Variants in TAB1 observed in about 807,000 individuals in gnomAD.
TAB1 encodes TGF-beta-activated kinase 1 and MAP3K7-binding protein 1.
Under a neutral mutation model 54.5 loss-of-function variants are expected in TAB1, and 30 were observed. That is an observed-to-expected ratio of 0.55 (90% confidence interval 0.41 to 0.75). The LOEUF (loss-of-function observed/expected upper bound fraction) is 0.75. Among genes scored for constraint, TAB1 ranks in the 30% least tolerant of loss-of-function variants. The pLI is 0.00. For missense variants in TAB1, 609 were observed against 683.2 expected (o/e 0.89, Z 1.21); for synonymous variants, 289 against 286.9 (o/e 1.01, Z -0.07).
At chr22:39,426,957 G>C in intron 9 of TAB1, 32 bp downstream of exon 9, 1 of 1,594,002 alleles carries the variant, frequency 6.3e-7, no homozygotes, top group Non-Finnish European at 8.5e-7. Flanking sequence ...GCAGTGCCTG[G>C]GGATGCCATC....
intron 8 of TAB1, among the ~76,000 whole-genome samples, chr22:39,423,345 T>C (rs2105894): frequency 1 from 152,355 of 152,356 alleles, 76,177 homozygotes; most frequent in Non-Finnish European, 1. Flanking sequence ...TGGCTCATGC[T>C]TGTAATCCCA....
At chr22:39,408,882 C>T (rs893065737) in intron 1 of TAB1, among the ~76,000 whole-genome samples, 1 of 152,144 alleles carries the variant, frequency 6.6e-6, no homozygotes, top group Non-Finnish European at 1.5e-5. Context: ...GGCTGGGAAA[C>T]TATGGATTTT....
rs781069117 is a variant in TAB1, at chr22:39,421,869, TG to T, written c.823del (p.Ala275HisfsTer7). ...KPIIAEPEIH[G>X]AQPLDGVTGF... ...CAATCATCGCAGAGCCAGAAATCCATGGGGCACAGCCGCTGGATGGGGTGAC... is the reference window on the plus strand; with the variant it reads ...CAATCATCGCAGAGCCAGAAATCCATGGGCACAGCCGCTGGATGGGGTGAC... On this transcript the variant is annotated frameshift_variant, in exon 8 of 11. Transcript: ENST00000216160. LOFTEE classifies it high-confidence loss of function. 1.4e-5 allele frequency: 22 copies of T among 1,613,850 alleles called. No individual in the cohort carries two copies. The highest frequency in any genetic ancestry group is 1.6e-5 in the Non-Finnish European group (19 of 1,179,962).
chr22:39,433,770 A>C, downstream of TAB1: 8 of 985,434 alleles, frequency 8.1e-6, no homozygotes, highest in Non-Finnish European at 9.6e-6. Context: ...GGCTGCTCAG[A>C]CATCAAAGGG....
chr22:39,417,242 C>T lies in TAB1; in HGVS notation c.411+365C>T, dbSNP rs1926872048. Among the ~76,000 whole-genome samples the T allele has an allele frequency of 3.3e-5, 5 of 152,112 alleles. No homozygotes were observed. The South Asian group carries it at 1.0e-3, about 31-fold the overall frequency. On this transcript the variant is annotated intron_variant, in intron 4 of 10. Transcript: ENST00000216160. The stretch of plus-strand genomic sequence containing the variant: ...TCCAGCTTTCTGGAAGAACCTTAGC[C>T]TGGAGCTGTAGCGAAGGCTTCATCT...
chr22:39,424,391 A>G (rs1927227675), intron 8 of TAB1, among the ~76,000 whole-genome samples: 1 of 151,930 alleles, frequency 6.6e-6, no homozygotes, highest in East Asian at 1.9e-4. Context: ...TCTACTTCGA[A>G]AAAGTCTCAA....
chr22:39,415,290 C>T lies in TAB1; in HGVS notation c.170+148C>T. 3 of 1,159,464 alleles carry T rather than the reference C, an allele frequency of 2.6e-6. No individual in the cohort carries two copies. Among genetic ancestry groups the T allele is most frequent in the Non-Finnish European group, 3.6e-6 (3 of 831,090 alleles). The allele number at this position is 1,159,464 out of a possible 1,614,324, so 71.8% of individuals were successfully genotyped here. On this transcript the variant is annotated intron_variant, in intron 2 of 10. Coordinates refer to ENST00000216160, the MANE Select transcript of TAB1 (RefSeq NM_006116.3). The surrounding 1 kb of genome is among the most constrained non-coding windows in gnomAD (Gnocchi z 4.9). ...GCCTCTGCTGCTGTCTTGCCAAGGG[C>T]CTGCTCTGATGGGGTAGCGTGAGCA...
chr22:39,410,365 C>T (rs1404896748), intron 1 of TAB1, among the ~76,000 whole-genome samples: 1 of 152,234 alleles, frequency 6.6e-6, no homozygotes, highest in Non-Finnish European at 1.5e-5. Flanking sequence ...GCCTCAGCCT[C>T]CCCAAGTGCT....
intron 1 of TAB1, among the ~76,000 whole-genome samples, chr22:39,405,432 T>C (rs2047131906): frequency 1.3e-5 from 2 of 152,220 alleles, no homozygotes; most frequent in Admixed American, 1.3e-4. Context: ...ATGGAAGAGT[T>C]AAGTCCTGCG....
chr22:39,430,291 A>G lies in TAB1; in HGVS notation c.*69A>G. On this transcript the variant is annotated 3_prime_UTR_variant, in exon 11 of 11. Coordinates refer to ENST00000216160, the MANE Select transcript of TAB1 (RefSeq NM_006116.3). ...GGACAGGGTCCAGCCTTTTCCTAAC[A>G]TCTGCCTGTGCCACAACGGCCAGCA... The G allele has an allele frequency of 6.3e-7, 1 of 1,588,992 alleles. No homozygotes were observed. Among genetic ancestry groups the G allele is most frequent in the Non-Finnish European group, 8.5e-7 (1 of 1,171,446 alleles).
Position 39,415,716 on chromosome 22 carries a change from C to A in TAB1, c.324+63C>A. 6.4e-7 allele frequency: 1 copy of A among 1,562,518 alleles called. No homozygotes were observed. The highest frequency in any genetic ancestry group is 1.1e-5 in the South Asian group (1 of 87,256). On this transcript the variant is annotated intron_variant, in intron 3 of 10. Transcript: ENST00000216160. This position sits in a 1 kb window ranked among gnomAD's most constrained non-coding sequence, Gnocchi z 4.9. Reference sequence around the variant, plus strand: ...ATGTCCCCCACCCCAAGGCTTGGGCCCTGCACCTCTAGCATGTTGCCAGGG... The same window carrying A: ...ATGTCCCCCACCCCAAGGCTTGGGCACTGCACCTCTAGCATGTTGCCAGGG...
chr22:39,424,971 A>G (rs139825444), intron 8 of TAB1, among the ~76,000 whole-genome samples: 27 of 152,230 alleles, frequency 1.8e-4, no homozygotes, highest in African/African-American at 5.5e-4. Flanking sequence ...TGCCCCGCCC[A>G]AAAGAAACTT....
At chr22:39,423,463 G>GTTTT (rs1927182229) in intron 8 of TAB1, among the ~76,000 whole-genome samples, 1 of 152,152 alleles carries the variant, frequency 6.6e-6, no homozygotes, top group African/African-American at 2.4e-5. Context: ...AAATTAGCCG[G>GTTTT]GTGTGGTGGC....
Position 39,399,823 on chromosome 22 carries a change from C to T in TAB1, c.21C>T (p.Ser7=), listed in dbSNP as rs893631690. The T allele has an allele frequency of 5.0e-6, 8 of 1,597,620 alleles. No homozygotes were observed. The highest frequency in any genetic ancestry group is 6.8e-6 in the Non-Finnish European group (8 of 1,172,668). The part of the protein sequence containing the change: MAAQRR[S]LLQSEQQPSW... ...CCAAGATGGCGGCGCAGAGGAGGAGCTTGCTGCAGAGTGTGAGGAACAGGC... is the reference window on the plus strand; with the variant it reads ...CCAAGATGGCGGCGCAGAGGAGGAGTTTGCTGCAGAGTGTGAGGAACAGGC... The change falls in exon 1 of 11, where the codon AGC becomes AGT. Residue 7 remains serine, a synonymous_variant. Transcript: ENST00000216160.
At chr22:39,425,111 G>A (rs1163719813) in intron 8 of TAB1, among the ~76,000 whole-genome samples, 2 of 151,984 alleles carry the variant, frequency 1.3e-5, no homozygotes, top group Admixed American at 6.6e-5. Flanking sequence ...GGTGGCTCAC[G>A]CCTGTAATCC....
Position 39,415,523 on chromosome 22 carries a change from A to G in TAB1, c.194A>G (p.Tyr65Cys). Reference sequence around the variant, plus strand: ...AGGAGTGAGAACAACTGCTTCCTGTATGGGGTCTTCAACGGCTATGATGGC... The same window carrying G: ...AGGAGTGAGAACAACTGCTTCCTGTGTGGGGTCTTCAACGGCTATGATGGC... ...KFRSENNCFL[Y>C]GVFNGYDGNR... The change falls in exon 3 of 11, where the codon TAT becomes TGT. Residue 65 changes from tyrosine to cysteine, a missense_variant. Transcript: ENST00000216160. The surrounding 1 kb of genome is among the most constrained non-coding windows in gnomAD (Gnocchi z 4.9). 1 of 1,614,032 alleles carries G rather than the reference A, an allele frequency of 6.2e-7. No individual in the cohort carries two copies. Among genetic ancestry groups the G allele is most frequent in the Non-Finnish European group, 8.5e-7 (1 of 1,179,962 alleles).
rs1170194916 is a variant in TAB1 at position 39,416,787 on chromosome 22, C to T, written c.325-4C>T. On this transcript the variant is annotated splice_region_variant and splice_polypyrimidine_tract_variant and intron_variant, in intron 3 of 10. Transcript: ENST00000216160. ...AGCCTTTGCCCTGTCCTGTGTCCCCCTAGGCCTTCGATGTGGTGGAGAGGA... is the reference window on the plus strand; with the variant it reads ...AGCCTTTGCCCTGTCCTGTGTCCCCTTAGGCCTTCGATGTGGTGGAGAGGA... 2.5e-6 allele frequency: 4 copies of T among 1,614,032 alleles called. No individual in the cohort carries two copies. Among genetic ancestry groups the T allele is most frequent in the African/African-American group, 1.3e-5 (1 of 74,942 alleles).
chr22:39,414,860 C>T (rs912865133), intron 1 of TAB1, 146 bp from the exon 2 acceptor site: 9 of 847,924 alleles, frequency 1.1e-5, no homozygotes, highest in Non-Finnish European at 1.6e-5. Flanking sequence ...TCTGTTCATA[C>T]AAACATTATT....
At chr22:39,425,930 T>C (rs1326751158) in intron 8 of TAB1, among the ~76,000 whole-genome samples, 1 of 150,656 alleles carries the variant, frequency 6.6e-6, no homozygotes, top group Non-Finnish European at 1.5e-5. Context: ...TGGTCTCGGC[T>C]CCCTGCAACC....
Sources: gnomAD v4.1 joint callset for allele counts (sites outside exome capture counted in the v4.1 genomes callset) on GRCh38, gnomAD v4.1.1 for gene constraint, Gnocchi (gnomAD v3.1) non-coding constraint, MANE v1.5 for transcripts, NCBI Gene and HGNC (gene_info 2026-07-23, HGNC 2026-07-21) for gene names.